Variants in PLCH1 observed in about 807,000 individuals in gnomAD.
The protein encoded by PLCH1 is phospholipase C eta 1, also known as 1-phosphatidylinositol 4,5-bisphosphate phosphodiesterase eta-1.
PLCH1 carries 60 observed loss-of-function variants against 126.7 expected under a neutral mutation model. The observed-to-expected ratio is 0.47, with a 90% CI of 0.38 to 0.59. PLCH1 has a LOEUF of 0.59. Ranked by LOEUF, PLCH1 falls within the 20% of genes least tolerant of loss-of-function variation. PLCH1 has a pLI of 0.00. For synonymous variants in PLCH1, 719 were observed against 734.9 expected, an observed-to-expected ratio of 0.98 and a Z score of 0.35; for missense variants, 1,723 against 2,040.0, an observed-to-expected ratio of 0.84 and a Z score of 2.99.
chr3:155,532,325 T>C lies in PLCH1; in HGVS notation c.1363-8321A>G, dbSNP rs116866333. ...ACCCTTTGAAGGAAGCAGACTGCTG[T>C]TCCAAGCTCTGTGAGACAGCTGAAA... On this transcript the variant is annotated intron_variant, in intron 10 of 22. Coordinates refer to ENST00000460012, the MANE Select transcript of PLCH1 (RefSeq NM_014996.4). Among the ~76,000 whole-genome samples, 253 of 152,232 alleles carry C rather than the reference T, an allele frequency of 1.7e-3. 4 individuals are homozygous for C. The highest frequency in any genetic ancestry group is 0.012 in the Admixed American group (179 of 15,286).
chr3:155,681,122 TTA>T (rs1288407178), intron 2 of PLCH1, among the ~76,000 whole-genome samples: 1 of 152,214 alleles, frequency 6.6e-6, no homozygotes, highest in Non-Finnish European at 1.5e-5. Context: ...ACTTTCTTCT[TTA>T]TATGTTACTA....
intron 19 of PLCH1, 57 bp downstream of exon 19, chr3:155,490,727 G>C: frequency 1.0e-6 from 1 of 976,854 alleles, no homozygotes; most frequent in Non-Finnish European, 1.6e-6. Flanking sequence ...TTTTTTTAGT[G>C]TAAATTCTAT....
At chr3:155,476,100 A>G (rs1713534158), downstream of PLCH1, among the ~76,000 whole-genome samples, 1 of 152,196 alleles carries the variant, frequency 6.6e-6, no homozygotes, top group Admixed American at 6.5e-5. Context: ...TACATTAGAA[A>G]GATCATTCAT....
chr3:155,505,465 G>C (rs1469366000), intron 12 of PLCH1, among the ~76,000 whole-genome samples: 1 of 152,176 alleles, frequency 6.6e-6, no homozygotes, highest in Non-Finnish European at 1.5e-5. Context: ...CAAGACTCCA[G>C]CTAAACAGAG....
chr3:155,732,118 T>C (rs892467914), intron 1 of PLCH1, among the ~76,000 whole-genome samples: 6 of 151,738 alleles, frequency 4.0e-5, no homozygotes, highest in African/African-American at 1.2e-4. Context: ...TCAATGTTTA[T>C]AGGAACCTCA....
At chr3:155,608,705 A>C (rs560229412) in intron 2 of PLCH1, among the ~76,000 whole-genome samples, 34 of 152,262 alleles carry the variant, frequency 2.2e-4, no homozygotes, top group African/African-American at 7.7e-4. Context: ...CTCCCACCCA[A>C]GGAGAGTCTG....
At chr3:155,657,384 A>G (rs567533033) in intron 2 of PLCH1, among the ~76,000 whole-genome samples, 1 of 152,264 alleles carries the variant, frequency 6.6e-6, no homozygotes, top group East Asian at 1.9e-4. Flanking sequence ...CTGGGAGTCT[A>G]GGGAGGCCAA....
intron 8 of PLCH1, among the ~76,000 whole-genome samples, chr3:155,556,277 C>T (rs560056271): frequency 5.9e-4 from 90 of 152,180 alleles, no homozygotes; most frequent in Middle Eastern, 6.8e-3. Flanking sequence ...CGCTTGAACC[C>T]GGGAGGTGGA....
chr3:155,578,756 C>T (rs773346668), intron 6 of PLCH1, among the ~76,000 whole-genome samples: 5 of 152,260 alleles, frequency 3.3e-5, no homozygotes, highest in South Asian at 2.1e-4. Context: ...GTTTAGTACA[C>T]GGTATCCTAA....
Position 155,504,043 on chromosome 3 carries a change from T to C in PLCH1, c.1704+512A>G, listed in dbSNP as rs190454445. On this transcript the variant is annotated intron_variant, in intron 13 of 22. Coordinates refer to ENST00000460012, the MANE Select transcript of PLCH1 (RefSeq NM_014996.4). The stretch of plus-strand genomic sequence containing the variant: ...AATGTTACCTGTTGTGGCGGGCATA[T>C]ATGGAATCACATAGTCATTTTAAAT... Among the ~76,000 whole-genome samples the C allele has an allele frequency of 5.3e-5, 8 of 152,366 alleles. No homozygotes were observed. The East Asian group carries it at 1.3e-3, about 26-fold the overall frequency.
chr3:155,550,799 C>T (rs359544), intron 9 of PLCH1, among the ~76,000 whole-genome samples: 113,674 of 152,138 alleles, frequency 0.75, 43,476 homozygotes, highest in Middle Eastern at 0.88. Flanking sequence ...AATATATCAA[C>T]ATATACCAAT....
At position 155,488,703 on chromosome 3, in the gene PLCH1, G is replaced by A. The variant is rs376115180; in HGVS notation, c.2496C>T (p.Asp832=). 6.2e-7 allele frequency: 1 copy of A among 1,614,034 alleles called. No homozygotes were observed. Among genetic ancestry groups the A allele is most frequent in the South Asian group, 1.1e-5 (1 of 91,064 alleles). The change falls in exon 20 of 23, where the codon GAC becomes GAT. Residue 832 remains aspartate, a synonymous_variant. Coordinates refer to ENST00000460012, the MANE Select transcript of PLCH1 (RefSeq NM_014996.4). ...AGGTCACAGTTCTTTGTCCAACAAA[G>A]TCTCGTCCAATGGGATCGTGATCCC... The part of the protein sequence containing the change: ...LVWDHDPIGR[D]FVGQRTVTFS...
intron 12 of PLCH1, among the ~76,000 whole-genome samples, chr3:155,513,705 C>G (rs764165719): frequency 2.0e-5 from 3 of 152,188 alleles, no homozygotes; most frequent in Non-Finnish European, 4.4e-5. Flanking sequence ...CTGTCATTGA[C>G]CTTTTGGTTG....
chr3:155,654,309 T>C (rs762353443), intron 2 of PLCH1, among the ~76,000 whole-genome samples: 1 of 152,030 alleles, frequency 6.6e-6, no homozygotes, highest in African/African-American at 2.4e-5. Flanking sequence ...TATGACCTTC[T>C]TCTTTCTCTC....
In PLCH1 at chr3:155,713,226, C is replaced by T. The variant is rs1396387872; in HGVS notation, c.-40-8962G>A. ...GACAAGACTCTAATTCTTCCCACAT[C>T]CACCATTCACCCCAACTCTACTATG... is the stretch of plus-strand genomic sequence containing the variant. On this transcript the variant is annotated intron_variant, in intron 1 of 22. Transcript: ENST00000460012. Among the ~76,000 whole-genome samples the T allele has an allele frequency of 2.0e-5, 3 of 152,130 alleles. No homozygotes were observed. In the East Asian group the frequency reaches 5.8e-4, roughly 29 times the overall value.
intron 4 of PLCH1, among the ~76,000 whole-genome samples, chr3:155,588,689 C>T (rs535612089): frequency 4.8e-4 from 73 of 152,212 alleles, no homozygotes; most frequent in South Asian, 1.5e-3. Context: ...AGCACCAACA[C>T]GGAAATCGGC....
rs1713759952 is a variant in PLCH1 at position 155,479,969 on chromosome 3, G to A, written c.*999C>T. ...GTTACAAAAAAAAAAAACAAAGAGG[G>A]ACATCTGAACATGCAATAAAAAAGT... On this transcript the variant is annotated 3_prime_UTR_variant, in exon 23 of 23. Transcript: ENST00000460012. 6.6e-6 allele frequency: 1 copy of A among 152,194 alleles called. No individual in the cohort carries two copies. The highest frequency in any genetic ancestry group is 6.6e-5 in the Admixed American group (1 of 15,252). The allele number at this position is 152,194 out of a possible 1,614,324, so 9.4% of individuals were successfully genotyped here.
At chr3:155,474,096 A>C (rs1290955581) in intron 21 of PLCH1, among the ~76,000 whole-genome samples, 1 of 152,190 alleles carries the variant, frequency 6.6e-6, no homozygotes, top group Non-Finnish European at 1.5e-5. Flanking sequence ...TAAACTAAAG[A>C]GCTTCTGCAC....
At chr3:155,656,868 G>T (rs868021794) in intron 2 of PLCH1, among the ~76,000 whole-genome samples, 1 of 152,062 alleles carries the variant, frequency 6.6e-6, no homozygotes, top group Middle Eastern at 3.4e-3. Flanking sequence ...CTATTTTTAG[G>T]TTATGTAACC....
Sources: allele counts gnomAD v4.1 joint callset (sites outside exome capture counted in the v4.1 genomes callset), GRCh38; gene constraint gnomAD v4.1.1; transcripts MANE v1.5; gene names NCBI Gene and HGNC (gene_info 2026-07-23, HGNC 2026-07-21).